Variants in DCAF1 observed in about 807,000 individuals in gnomAD.
The protein encoded by DCAF1 is DDB1- and CUL4-associated factor 1.
In DCAF1, 15 loss-of-function variants were observed where a neutral mutation model predicts 128.0. The ratio of observed to expected loss-of-function variants is 0.12; its 90% CI spans 0.08 to 0.18. The LOEUF (loss-of-function observed/expected upper bound fraction) is 0.18. Ranked by LOEUF, DCAF1 falls within the 10% of genes least tolerant of loss-of-function variation. The probability of loss-of-function intolerance (pLI) is 1.00; values close to 1 mark genes in which losing one functional copy is unlikely to be tolerated. For missense variants in DCAF1, 988 were observed against 1,649.5 expected, an observed-to-expected ratio of 0.60 and a Z score of 6.95; for synonymous variants, 610 against 603.0, an observed-to-expected ratio of 1.01 and a Z score of -0.17.
upstream of DCAF1, chr3:51,500,058 C>G (rs565718222): frequency 6.9e-6 from 1 of 144,840 alleles, no homozygotes; most frequent in East Asian, 2.1e-4. Context: ...CGCGCTCGCG[C>G]CTACTTGGCG....
intron 3 of DCAF1, among the ~76,000 whole-genome samples, chr3:51,480,049 A>G (rs1418169733): frequency 6.6e-6 from 1 of 150,560 alleles, no homozygotes; most frequent in African/African-American, 2.4e-5. Context: ...TTTAGCAGTG[A>G]GCTATAATCA....
At chr3:51,471,061 CACT>C (rs77859974) in intron 3 of DCAF1, 56 bp from the exon 4 acceptor site, 55,585 of 1,146,934 alleles carry the variant, frequency 0.048, 5,796 homozygotes, top group East Asian at 0.32. Flanking sequence ...AATGGACCAC[CACT>C]ACAACAGTCA....
upstream of DCAF1, among the ~76,000 whole-genome samples, chr3:51,500,360 G>A (rs1379549974): frequency 6.6e-6 from 1 of 152,080 alleles, no homozygotes; most frequent in African/African-American, 2.4e-5. Flanking sequence ...AGACAGTACT[G>A]TAATCGCCTG....
chr3:51,402,159 G>GA (rs1412061865), intron 24 of DCAF1, among the ~76,000 whole-genome samples: 7 of 151,908 alleles, frequency 4.6e-5, no homozygotes, highest in Admixed American at 3.9e-4. Context: ...TTTGGATTAA[G>GA]AAAAAAAGGT....
Position 51,441,424 on chromosome 3 carries a change from G to A in DCAF1, c.987C>T (p.Leu329=), listed in dbSNP as rs782095939. The A allele has an allele frequency of 1.2e-6, 2 of 1,613,654 alleles. No homozygotes were observed. Among genetic ancestry groups the A allele is most frequent in the Admixed American group, 3.3e-5 (2 of 59,948 alleles). Residue 329 remains leucine (L), a synonymous_variant, in exon 8 of 25, where the codon CTC becomes CTT. Transcript: ENST00000684031. ...YPMTPAIEQR[L]ILQYLTPLGE... ...CTAGAGGGGTCAAATATTGGAGAAT[G>A]AGTCGCTGCTCGATAGCAGGAGTCA...
chr3:51,448,200 T>C (rs1702056704), intron 6 of DCAF1, among the ~76,000 whole-genome samples: 1 of 152,238 alleles, frequency 6.6e-6, no homozygotes, highest in South Asian at 2.1e-4. Context: ...TCTCTGAATG[T>C]GCCTTTGTCC....
intron 23 of DCAF1, among the ~76,000 whole-genome samples, chr3:51,412,135 AAGC>A (rs1462570108): frequency 2.6e-5 from 4 of 151,354 alleles, no homozygotes; most frequent in Non-Finnish European, 5.9e-5. Context: ...AAAAAAAAAA[AAGC>A]AGAGATTGCT....
At chr3:51,483,990 G>A (rs1313201509) in intron 2 of DCAF1, among the ~76,000 whole-genome samples, 154 bp from the exon 3 acceptor site, 2 of 152,164 alleles carry the variant, frequency 1.3e-5, no homozygotes, top group East Asian at 3.8e-4. Context: ...TTGTGGTACA[G>A]CAGAAAACTC....
chr3:51,441,026 A>T lies in DCAF1; in HGVS notation c.1072T>A (p.Phe358Ile), dbSNP rs1701312873. ...TTAGTTTGCTTCAGGTCAATATAGA[A>T]CATCATCAGCTCCCGTGATCCAAGT... The part of the protein sequence containing the change: ...MQLGSRELMM[F>I]YIDLKQTNDV... The change falls in exon 9 of 25, where the codon TTC becomes ATC. Residue 358 changes from phenylalanine (F) to isoleucine (I), a missense_variant. Phe to Ile is a conservative substitution (Grantham distance 21). This residue lies in a region of DCAF1 where 185 missense variants were observed against 248.1 expected (regional missense o/e 0.75). Coordinates refer to ENST00000684031, the MANE Select transcript of DCAF1 (RefSeq NM_001387579.1). 1 of 1,613,174 alleles carries T rather than the reference A, an allele frequency of 6.2e-7. No individual in the cohort carries two copies. The highest frequency in any genetic ancestry group is 2.2e-5 in the East Asian group (1 of 44,862).
At chr3:51,461,770 G>C (rs1553644642) in intron 6 of DCAF1, among the ~76,000 whole-genome samples, 1 of 152,138 alleles carries the variant, frequency 6.6e-6, no homozygotes, top group East Asian at 1.9e-4. Context: ...TAGGGACATG[G>C]ATGAAACTGC....
chr3:51,400,490 A>G (rs2089587131), intron 24 of DCAF1, among the ~76,000 whole-genome samples: 1 of 152,206 alleles, frequency 6.6e-6, no homozygotes, highest in African/African-American at 2.4e-5. Context: ...AGCACATCTA[A>G]GAACTGTAAA....
intron 2 of DCAF1, among the ~76,000 whole-genome samples, chr3:51,486,010 G>A (rs566741025): frequency 5.3e-5 from 8 of 151,062 alleles, no homozygotes; most frequent in African/African-American, 1.9e-4. Context: ...TCCTGCCTCA[G>A]CCTCCCAAGT....
intron 2 of DCAF1, among the ~76,000 whole-genome samples, chr3:51,492,249 G>A (rs145933197): frequency 6.8e-4 from 104 of 151,858 alleles, no homozygotes; most frequent in Non-Finnish European, 1.2e-3. Flanking sequence ...AAAATGGGCC[G>A]AGTGCTGTGG....
chr3:51,439,357 G>A (rs1553637968), intron 9 of DCAF1, among the ~76,000 whole-genome samples: 1 of 151,540 alleles, frequency 6.6e-6, no homozygotes, highest in Non-Finnish European at 1.5e-5. Flanking sequence ...CAAACTCCTG[G>A]GCTCAAGCTA....
intron 23 of DCAF1, 114 bp downstream of exon 23, chr3:51,412,265 T>A (rs1361927418): frequency 6.9e-7 from 1 of 1,450,302 alleles, no homozygotes; most frequent in East Asian, 2.4e-5. Context: ...GCCTTATGAA[T>A]GTGGCAACAG....
intron 24 of DCAF1, among the ~76,000 whole-genome samples, chr3:51,399,550 C>G (rs2089490308): frequency 6.6e-6 from 1 of 152,130 alleles, no homozygotes; most frequent in African/African-American, 2.4e-5. Flanking sequence ...TCTGCCTTCT[C>G]TGGCAGCACA....
chr3:51,491,322 A>G (rs991770251), intron 2 of DCAF1, among the ~76,000 whole-genome samples: 10 of 150,682 alleles, frequency 6.6e-5, no homozygotes. Context: ...CACTCCAGCA[A>G]GGCAACAGAG....
At chr3:51,481,112 A>C (rs781854370) in intron 3 of DCAF1, among the ~76,000 whole-genome samples, 2 of 152,202 alleles carry the variant, frequency 1.3e-5, no homozygotes, top group Non-Finnish European at 2.9e-5. Context: ...TGTGAAAACA[A>C]CTTTTTATGC....
intron 7 of DCAF1, among the ~76,000 whole-genome samples, chr3:51,443,250 C>G (rs1409859357): frequency 6.6e-6 from 1 of 152,072 alleles, no homozygotes; most frequent in Admixed American, 6.5e-5. Flanking sequence ...GGGAATGTTA[C>G]TATTCTTTAT....
Sources: allele counts gnomAD v4.1 joint callset (sites outside exome capture counted in the v4.1 genomes callset), GRCh38; gene constraint gnomAD v4.1.1; regional missense constraint gnomAD v4.1.1; transcripts MANE v1.5; gene names NCBI Gene and HGNC (gene_info 2026-07-23, HGNC 2026-07-21).